Variants in ZFHX4 observed in about 807,000 individuals in gnomAD.
The protein encoded by ZFHX4 is zinc finger homeobox 4, also known as zinc finger homeobox protein 4.
ZFHX4 carries 56 observed loss-of-function variants against 267.6 expected under a neutral mutation model. The observed-to-expected ratio is 0.21, with a 90% CI of 0.17 to 0.26. The LOEUF is 0.26. Among genes scored for constraint, ZFHX4 ranks in the 10% least tolerant of loss-of-function variants. ZFHX4 has a pLI of 1.00. For synonymous variants in ZFHX4, 1,778 were observed against 1,665.6 expected (o/e 1.07, Z -1.64); for missense variants, 4,332 against 4,420.0 (o/e 0.98, Z 0.56).
In ZFHX4 at chr8:76,778,207, G is replaced by A; in HGVS notation, c.3094-1G>A. ...TCTAATGAGCCTTCCCTTCCTTTCA[G>A]CACTTGCAGAAGCAAGAGGGTGCAG... On this transcript the variant is annotated splice_acceptor_variant, in intron 3 of 10. Coordinates refer to ENST00000651372, the MANE Select transcript of ZFHX4 (RefSeq NM_024721.5). LOFTEE classifies it high-confidence loss of function. 1 of 1,602,394 alleles carries A rather than the reference G, an allele frequency of 6.2e-7. No homozygotes were observed. The highest frequency in any genetic ancestry group is 8.6e-7 in the Non-Finnish European group (1 of 1,169,564).
Position 76,707,346 on chromosome 8 carries a change from G to A in ZFHX4, c.2591-200G>A, listed in dbSNP as rs1455859780. ...CAGAATGACATCATGCCCAGTAGGAGTAATTAAAGCTATCTGATGAGGGAA... is the reference window on the plus strand; with the variant it reads ...CAGAATGACATCATGCCCAGTAGGAATAATTAAAGCTATCTGATGAGGGAA... On this transcript the variant is annotated intron_variant, in intron 2 of 10. Coordinates refer to ENST00000651372, the MANE Select transcript of ZFHX4 (RefSeq NM_024721.5). Among the ~76,000 whole-genome samples the A allele has an allele frequency of 2.0e-5, 3 of 152,166 alleles. No homozygotes were observed. In the East Asian group the frequency reaches 5.8e-4, roughly 29 times the overall value.
At chr8:76,703,972 A>G (rs572404323) in intron 1 of ZFHX4, 71 bp from the exon 2 acceptor site, 1 of 1,056,000 alleles carries the variant, frequency 9.5e-7, no homozygotes, top group African/African-American at 1.6e-5. Flanking sequence ...GCTGTAAATT[A>G]GTGATGGGCT....
At chr8:76,840,474 C>T (rs1399837021) in intron 5 of ZFHX4, among the ~76,000 whole-genome samples, 1 of 152,198 alleles carries the variant, frequency 6.6e-6, no homozygotes, top group South Asian at 2.1e-4. Context: ...ACTTAAAACA[C>T]ATACCAGAAA....
intron 3 of ZFHX4, among the ~76,000 whole-genome samples, chr8:76,735,202 T>C (rs1283590599): frequency 1.3e-5 from 2 of 152,136 alleles, no homozygotes; most frequent in South Asian, 2.1e-4. Context: ...CATAAGCACA[T>C]TGATATTAAT....
intron 6 of ZFHX4, among the ~76,000 whole-genome samples, chr8:76,846,442 T>C (rs1231527517): frequency 6.6e-6 from 1 of 152,060 alleles, no homozygotes; most frequent in Non-Finnish European, 1.5e-5. Context: ...TTTAAGTTAA[T>C]TAGCCAGAAA....
intron 7 of ZFHX4, 107 bp downstream of exon 7, chr8:76,849,235 G>GC: frequency 7.1e-6 from 9 of 1,260,674 alleles, no homozygotes; most frequent in Non-Finnish European, 8.7e-6. Flanking sequence ...TGTAGACATT[G>GC]CAATTGGCAA....
At chr8:76,806,385 A>G (rs1585964810) in intron 4 of ZFHX4, among the ~76,000 whole-genome samples, 1 of 152,156 alleles carries the variant, frequency 6.6e-6, no homozygotes, top group Admixed American at 6.6e-5. Flanking sequence ...AGTAGTCAAC[A>G]TTCTCCAAAG....
intron 3 of ZFHX4, among the ~76,000 whole-genome samples, chr8:76,716,840 T>A (rs1808588494): frequency 6.6e-6 from 1 of 152,166 alleles, no homozygotes; most frequent in Non-Finnish European, 1.5e-5. Context: ...TTTACTGGCA[T>A]GTTTGGGTAT....
chr8:76,688,096 A>G (rs1018852953), intron 1 of ZFHX4, among the ~76,000 whole-genome samples: 5 of 152,204 alleles, frequency 3.3e-5, no homozygotes, highest in African/African-American at 9.6e-5. Flanking sequence ...GAAGATGATC[A>G]ACAGAGGTTT....
chr8:76,739,808 A>G (rs1310854983), intron 3 of ZFHX4, among the ~76,000 whole-genome samples: 2 of 152,208 alleles, frequency 1.3e-5, no homozygotes, highest in Non-Finnish European at 2.9e-5. Context: ...ATATGAATAT[A>G]TAATGTTTGT....
chr8:76,752,237 G>T (rs1809631527), intron 3 of ZFHX4, among the ~76,000 whole-genome samples: 2 of 151,786 alleles, frequency 1.3e-5, no homozygotes, highest in Non-Finnish European at 2.9e-5. Context: ...GAAGGCAAGA[G>T]AATGAAAAAT....
rs1226036072 is a variant in ZFHX4, at chr8:76,865,431, G to A, written c.*866G>A. The A allele has an allele frequency of 6.6e-6, 1 of 152,358 alleles. No homozygotes were observed. Among genetic ancestry groups the A allele is most frequent in the Non-Finnish European group, 1.5e-5 (1 of 68,020 alleles). 9.4% of individuals were successfully genotyped at this position (152,358 alleles called of 1,614,324 possible). Reference sequence around the variant, plus strand: ...GTGAATTTAATGCTATACTGTCAAGGTACTTGCTTGTGTCTGAACTCTAGT... The same window carrying A: ...GTGAATTTAATGCTATACTGTCAAGATACTTGCTTGTGTCTGAACTCTAGT... On this transcript the variant is annotated 3_prime_UTR_variant, in exon 11 of 11. Transcript: ENST00000651372.
At chr8:76,861,403 T>G (rs1812863134) in intron 10 of ZFHX4, among the ~76,000 whole-genome samples, 1 of 152,194 alleles carries the variant, frequency 6.6e-6, no homozygotes, top group Admixed American at 6.5e-5. Flanking sequence ...AAATGGAATG[T>G]TTAGCAGCAG....
chr8:76,771,040 A>G (rs58660315), intron 3 of ZFHX4, among the ~76,000 whole-genome samples: 1,600 of 152,260 alleles, frequency 0.011, 29 homozygotes, highest in African/African-American at 0.035. Context: ...GTGCTGGAAA[A>G]GCCTAGCCAT....
chr8:76,730,905 C>T (rs929055982), intron 3 of ZFHX4, among the ~76,000 whole-genome samples: 10 of 152,058 alleles, frequency 6.6e-5, no homozygotes, highest in Non-Finnish European at 1.2e-4. Context: ...TTGTCTCATT[C>T]GATCCTCACA....
chr8:76,688,984 T>A (rs1807759378), intron 1 of ZFHX4, among the ~76,000 whole-genome samples: 1 of 152,156 alleles, frequency 6.6e-6, no homozygotes, highest in African/African-American at 2.4e-5. Context: ...TGTGTAAGGG[T>A]TGACTCTTGA....
In ZFHX4 at chr8:76,856,242, CCTT is replaced by C. The variant is rs1426623698; in HGVS notation, c.9324_9326del (p.Leu3109del). On this transcript the variant is annotated inframe_deletion, in exon 10 of 11. Transcript: ENST00000651372. ...CCGGACTCCCCGGCCTTCCTCCAGT[CCTT>C]CTCCCCGGAATGAACGGTCCATCCT... 6.2e-6 allele frequency: 10 copies of C among 1,613,838 alleles called. No individual in the cohort carries two copies. Among genetic ancestry groups the C allele is most frequent in the African/African-American group, 5.3e-5 (4 of 74,930 alleles).
intron 3 of ZFHX4, among the ~76,000 whole-genome samples, chr8:76,715,243 A>G (rs976161184): frequency 6.6e-6 from 1 of 152,142 alleles, no homozygotes; most frequent in Non-Finnish European, 1.5e-5. Context: ...CTGTGATCCC[A>G]GCACTTTGAG....
chr8:76,740,858 T>TAGCA (rs1304224255), intron 3 of ZFHX4, among the ~76,000 whole-genome samples: 5 of 152,164 alleles, frequency 3.3e-5, no homozygotes, highest in African/African-American at 1.2e-4. Flanking sequence ...GTACAGTTTG[T>TAGCA]AGCACATTTG....
Sources: allele counts gnomAD v4.1 joint callset (sites outside exome capture counted in the v4.1 genomes callset), GRCh38; gene constraint gnomAD v4.1.1; transcripts MANE v1.5; gene names NCBI Gene and HGNC (gene_info 2026-07-23, HGNC 2026-07-21).